MALRD1: variants seen among roughly 807,000 people sequenced by gnomAD.
The protein encoded by MALRD1 is MAM and LDL receptor class A domain containing 1, also known as MAM and LDL-receptor class A domain-containing protein 1.
In MALRD1, 247 loss-of-function variants were observed where a neutral mutation model predicts 242.1. The ratio of observed to expected loss-of-function variants is 1.02; its 90% CI spans 0.92 to 1.13. MALRD1 has a LOEUF of 1.13. Among genes scored for constraint, MALRD1 ranks in the 50% most tolerant of loss-of-function variants. MALRD1 has a pLI of 0.00. For synonymous variants in MALRD1, 995 were observed against 866.6 expected (o/e 1.15, Z -2.60); for missense variants, 2,989 against 2,533.1 (o/e 1.18, Z -3.86).
At chr10:19,050,768 G>A (rs1279047820) in intron 1 of MALRD1, among the ~76,000 whole-genome samples, 1 of 152,206 alleles carries the variant, frequency 6.6e-6, no homozygotes, top group East Asian at 1.9e-4. Flanking sequence ...GAGCAGCAAA[G>A]AGGAACGACT....
chr10:19,347,683 A>T, intron 24 of MALRD1, 88 bp from the exon 25 acceptor site: 1 of 1,408,168 alleles, frequency 7.1e-7, no homozygotes, highest in South Asian at 1.4e-5. Context: ...ATTACATGAT[A>T]CAGCAAGATC....
chr10:19,285,545 C>A (rs1450414856), intron 21 of MALRD1, among the ~76,000 whole-genome samples: 1 of 151,830 alleles, frequency 6.6e-6, no homozygotes, highest in Non-Finnish European at 1.5e-5. Flanking sequence ...TCAGGTTCGT[C>A]AAAGATCACA....
At chr10:19,442,133 T>G (rs1834698508) in intron 28 of MALRD1, among the ~76,000 whole-genome samples, 1 of 152,158 alleles carries the variant, frequency 6.6e-6, no homozygotes, top group Non-Finnish European at 1.5e-5. Flanking sequence ...GGCTCTCTGT[T>G]AGTCTGTTAT....
chr10:19,225,545 A>G (rs1056715580), intron 18 of MALRD1, among the ~76,000 whole-genome samples: 3 of 152,112 alleles, frequency 2.0e-5, no homozygotes, highest in African/African-American at 7.2e-5. Flanking sequence ...CAATATTGCT[A>G]TGATTATCAT....
At chr10:19,618,268 A>G (rs1056843431) in intron 36 of MALRD1, among the ~76,000 whole-genome samples, 2 of 151,978 alleles carry the variant, frequency 1.3e-5, no homozygotes, top group African/African-American at 4.8e-5. Flanking sequence ...CGTCATTGCT[A>G]TTGTGAATAG....
At chr10:19,241,679 G>C (rs1838781500) in intron 18 of MALRD1, among the ~76,000 whole-genome samples, 1 of 151,910 alleles carries the variant, frequency 6.6e-6, no homozygotes, top group South Asian at 2.1e-4. Context: ...CTTTTTTGGT[G>C]TAGGCTTTTA....
At chr10:19,666,579 C>T (rs534560411) in intron 36 of MALRD1, among the ~76,000 whole-genome samples, 5 of 152,128 alleles carry the variant, frequency 3.3e-5, no homozygotes, top group South Asian at 2.1e-4. Flanking sequence ...TCCATTATTG[C>T]GAGTATTCTC....
rs547128313 is a variant in MALRD1, at chr10:19,150,395, G to C, written c.1558+4051G>C. ...GATCGGTCCTTACATGGCAATTTAG[G>C]GGGGACTGTCTGCAGATTTCGGGAG... On this transcript the variant is annotated intron_variant, in intron 11 of 39. Transcript: ENST00000454679. 2.6e-4 allele frequency among the ~76,000 whole-genome samples: 40 copies of C among 150,988 alleles called. No individual in the cohort carries two copies. The South Asian group carries it at 4.6e-3, about 17-fold the overall frequency.
chr10:19,459,860 A>G (rs1199877143), intron 29 of MALRD1, among the ~76,000 whole-genome samples: 1 of 151,662 alleles, frequency 6.6e-6, no homozygotes, highest in East Asian at 1.9e-4. Flanking sequence ...GTTCATTTAC[A>G]TTATTAAGAA....
rs116960581 is a variant in MALRD1, at chr10:19,678,334, T to C, written c.6138-13948T>C. Among the ~76,000 whole-genome samples the C allele has an allele frequency of 2.6e-3, 395 of 152,302 alleles. 7 individuals are homozygous for C. In the East Asian group the frequency reaches 0.058, roughly 23 times the overall value. ...TGTCTTACCATTTGTTTGTGTCCTC[T>C]CTGCTTTCCTTGAGGAGAGGTTTGT... On this transcript the variant is annotated intron_variant, in intron 36 of 39. Coordinates refer to ENST00000454679, the MANE Select transcript of MALRD1 (RefSeq NM_001142308.3).
At chr10:19,241,033 C>T (rs955707094) in intron 18 of MALRD1, among the ~76,000 whole-genome samples, 5 of 151,868 alleles carry the variant, frequency 3.3e-5, no homozygotes, top group Non-Finnish European at 5.9e-5. Flanking sequence ...TCATTTTGTG[C>T]GTGTCTTTGT....
At position 19,358,195 on chromosome 10, in the gene MALRD1, A is replaced by AGAGT. The variant is rs1554839069; in HGVS notation, c.4441+5899_4441+5900insAGTG. ...ATATATGCAATCAGGGCAGGAGTCA[A>AGAGT]GTGTGTGTGTGTGTGTGTGTGTGTG... On this transcript the variant is annotated intron_variant, in intron 26 of 39. Transcript: ENST00000454679. 6.2e-5 allele frequency among the ~76,000 whole-genome samples: 9 copies of AGAGT among 145,682 alleles called. No individual in the cohort carries two copies. In the East Asian group the frequency reaches 1.8e-3, roughly 29 times the overall value.
intron 28 of MALRD1, among the ~76,000 whole-genome samples, chr10:19,429,373 C>G (rs1834030212): frequency 6.6e-6 from 1 of 151,880 alleles, no homozygotes; most frequent in Non-Finnish European, 1.5e-5. Flanking sequence ...AGTTTAAGAC[C>G]AGCCTGGTGG....
chr10:19,608,267 G>T (rs1204014059), intron 35 of MALRD1, among the ~76,000 whole-genome samples: 2 of 151,936 alleles, frequency 1.3e-5, no homozygotes, highest in South Asian at 2.1e-4. Flanking sequence ...TTTTTAAATT[G>T]TGGTCTTCCT....
chr10:19,150,246 C>G (rs768146607), intron 11 of MALRD1, among the ~76,000 whole-genome samples: 3 of 151,888 alleles, frequency 2.0e-5, no homozygotes, highest in Non-Finnish European at 4.4e-5. Context: ...GTTTTTTTTG[C>G]ACTCTGGTTG....
At chr10:19,413,965 CAA>C (rs61376344) in intron 28 of MALRD1, among the ~76,000 whole-genome samples, 3 of 133,746 alleles carry the variant, frequency 2.2e-5, no homozygotes, top group Non-Finnish European at 3.2e-5. Flanking sequence ...AAACAAAAAC[CAA>C]AAAAAAAAAA....
intron 18 of MALRD1, among the ~76,000 whole-genome samples, chr10:19,231,333 C>G (rs1838057990): frequency 6.6e-6 from 1 of 152,070 alleles, no homozygotes; most frequent in Non-Finnish European, 1.5e-5. Flanking sequence ...AGGATTTTAC[C>G]CAGTTAAATG....
At position 19,416,837 on chromosome 10, in the gene MALRD1, CTT is replaced by C. The variant is rs1192442533; in HGVS notation, c.4845+27231_4845+27232del. ...TACTCTGCTTCCCTGCACAGGAAAACTTTTCAAAAACTTGCCATTCTTGCTCT... is the reference window on the plus strand; with the variant it reads ...TACTCTGCTTCCCTGCACAGGAAAACTTCAAAAACTTGCCATTCTTGCTCT... On this transcript the variant is annotated intron_variant, in intron 28 of 39. Coordinates refer to ENST00000454679, the MANE Select transcript of MALRD1 (RefSeq NM_001142308.3). Among the ~76,000 whole-genome samples the C allele has an allele frequency of 2.6e-5, 4 of 152,302 alleles. No homozygotes were observed. In the East Asian group the frequency reaches 5.8e-4, roughly 22 times the overall value.
chr10:19,154,215 G>T (rs1175253718), intron 11 of MALRD1, among the ~76,000 whole-genome samples: 1 of 152,180 alleles, frequency 6.6e-6, no homozygotes, highest in African/African-American at 2.4e-5. Context: ...TGACACTGCT[G>T]CCTCACATCC....
Sources: allele counts gnomAD v4.1 joint callset (sites outside exome capture counted in the v4.1 genomes callset), GRCh38; gene constraint gnomAD v4.1.1; transcripts MANE v1.5; gene names NCBI Gene and HGNC (gene_info 2026-07-23, HGNC 2026-07-21).